LRSAM1: variants seen among roughly 807,000 people sequenced by gnomAD.
The protein encoded by LRSAM1 is leucine rich repeat and sterile alpha motif containing 1, also known as E3 ubiquitin-protein ligase LRSAM1.
LRSAM1 carries 96 observed loss-of-function variants against 118.1 expected under a neutral mutation model. The ratio of observed to expected loss-of-function variants is 0.81; its 90% CI spans 0.69 to 0.96. The LOEUF is 0.96. Ranked by LOEUF, LRSAM1 falls within the 40% of genes least tolerant of loss-of-function variation. The pLI, the probability that LRSAM1 is intolerant of heterozygous loss-of-function variation, is 0.00. For missense variants in LRSAM1, 804 were observed against 915.5 expected, an observed-to-expected ratio of 0.88 and a Z score of 1.57; for synonymous variants, 322 against 364.2, an observed-to-expected ratio of 0.88 and a Z score of 1.32.
At chr9:127,462,154 G>C in intron 8 of LRSAM1, 98 bp from the exon 9 acceptor site, 1 of 1,550,908 alleles carries the variant, frequency 6.4e-7, no homozygotes, top group Non-Finnish European at 8.8e-7. Flanking sequence ...AGGATCTGTT[G>C]TGTGCCCTAG....
At chr9:127,487,185 A>C (rs1162652099) in intron 17 of LRSAM1, among the ~76,000 whole-genome samples, 1 of 50,708 alleles carries the variant, frequency 2.0e-5, no homozygotes, top group Non-Finnish European at 5.8e-5. Flanking sequence ...CTCTGTCTCA[A>C]AAAAAAAAAA....
intron 15 of LRSAM1, among the ~76,000 whole-genome samples, chr9:127,481,781 C>T (rs1034827870): frequency 3.9e-5 from 6 of 151,924 alleles, no homozygotes; most frequent in African/African-American, 9.7e-5. Context: ...TCAGGCCAGG[C>T]GCAGTGGCTC....
chr9:127,482,462 A>G (rs988243680), intron 15 of LRSAM1, among the ~76,000 whole-genome samples: 1 of 152,108 alleles, frequency 6.6e-6, no homozygotes, highest in African/African-American at 2.4e-5. Context: ...TTTGTGAAGG[A>G]AATATTTAAA....
chr9:127,483,367 A>G (rs1264826269), intron 16 of LRSAM1, among the ~76,000 whole-genome samples: 1 of 152,042 alleles, frequency 6.6e-6, no homozygotes, highest in Non-Finnish European at 1.5e-5. Context: ...GGATCACATG[A>G]GCCCAGGAGT....
intron 6 of LRSAM1, among the ~76,000 whole-genome samples, chr9:127,457,965 TTTC>T (rs1311435783): frequency 8.5e-6 from 1 of 117,668 alleles, no homozygotes; most frequent in African/African-American, 3.3e-5. Flanking sequence ...AGATGCTTTC[TTTC>T]TTTTTTTTTT....
intron 13 of LRSAM1, 124 bp from the exon 14 acceptor site, chr9:127,479,715 C>A: frequency 7.1e-7 from 1 of 1,403,624 alleles, no homozygotes; most frequent in South Asian, 1.3e-5. Flanking sequence ...GAGGAGCTGG[C>A]CGGAGGTCAC....
At chr9:127,500,883 C>G in intron 24 of LRSAM1, 127 bp from the exon 25 acceptor site, 1 of 1,313,566 alleles carries the variant, frequency 7.6e-7, no homozygotes. Context: ...TCCCTCAGAT[C>G]TGAGAGCAGA....
chr9:127,479,438 G>T lies in LRSAM1; in HGVS notation c.836G>T (p.Arg279Leu). Residue 279 changes from arginine to leucine, a missense_variant, in exon 13 of 26, where the codon CGG becomes CTG. Physicochemically the swap from Arg to Leu is moderately radical, Grantham distance 102 (BLOSUM62 -2). Coordinates refer to ENST00000300417, the MANE Select transcript of LRSAM1 (RefSeq NM_001005373.4). ...EFERRLELGQ[R>L]EHTQLLQQSS... ...GAACGGCGCCTGGAACTGGGGCAGC[G>T]GGAGCACACCCAGCTCCTTCAGCAG... The T allele has an allele frequency of 6.2e-7, 1 of 1,614,144 alleles. No individual in the cohort carries two copies. The highest frequency in any genetic ancestry group is 8.5e-7 in the Non-Finnish European group (1 of 1,180,024).
Position 127,454,477 on chromosome 9 carries a change from C to T in LRSAM1, c.-32-19C>T. 6.2e-7 allele frequency: 1 copy of T among 1,602,950 alleles called. No individual in the cohort carries two copies. The highest frequency in any genetic ancestry group is 1.1e-5 in the South Asian group (1 of 90,432). Reference sequence around the variant, plus strand: ...CTGTGACAAATTCCCCAGTCCCTAACTTCTCTCCTGTGCCCCAGGGTCCTA... The same window carrying T: ...CTGTGACAAATTCCCCAGTCCCTAATTTCTCTCCTGTGCCCCAGGGTCCTA... On this transcript the variant is annotated intron_variant, in intron 2 of 25. Coordinates refer to ENST00000300417, the MANE Select transcript of LRSAM1 (RefSeq NM_001005373.4).
intron 21 of LRSAM1, among the ~76,000 whole-genome samples, chr9:127,493,113 G>A (rs1193323113): frequency 6.6e-6 from 1 of 152,212 alleles, no homozygotes; most frequent in African/African-American, 2.4e-5. Context: ...CCAGGCTGGA[G>A]TGCAGTGGCG....
chr9:127,502,975 T>C lies in LRSAM1; in HGVS notation c.*76T>C, dbSNP rs1836456641. The C allele has an allele frequency of 1.3e-6, 2 of 1,540,936 alleles. No individual in the cohort carries two copies. The highest frequency in any genetic ancestry group is 3.9e-5 in the Admixed American group (2 of 51,098). The stretch of plus-strand genomic sequence containing the variant: ...AGCCCCGGGCTCCTGCTCAGCCTTG[T>C]GCCAGCCAGACTCGTATGAGGCTCC... On this transcript the variant is annotated 3_prime_UTR_variant, in exon 26 of 26. Coordinates refer to ENST00000300417, the MANE Select transcript of LRSAM1 (RefSeq NM_001005373.4).
At chr9:127,478,822 G>A (rs1289962693) in intron 11 of LRSAM1, 112 bp from the exon 12 acceptor site, 2 of 1,003,752 alleles carry the variant, frequency 2.0e-6, no homozygotes, top group Non-Finnish European at 3.2e-6. Flanking sequence ...GCAGTGGTCT[G>A]GGGTGGGCCA....
Position 127,481,232 on chromosome 9 carries a change from G to C in LRSAM1, c.1088+5G>C, listed in dbSNP as rs1835525496. 1.2e-6 allele frequency: 2 copies of C among 1,612,340 alleles called. No individual in the cohort carries two copies. Among genetic ancestry groups the C allele is most frequent in the Admixed American group, 1.7e-5 (1 of 59,924 alleles). ...GAAATCGCTGGAAAATGAAAGGTAA[G>C]TGTTCTTCCAGGGGAGGGCAGCATT... is the stretch of plus-strand genomic sequence containing the variant. On this transcript the variant is annotated splice_donor_5th_base_variant and intron_variant, in intron 15 of 25. Coordinates refer to ENST00000300417, the MANE Select transcript of LRSAM1 (RefSeq NM_001005373.4).
chr9:127,485,971 T>C, intron 17 of LRSAM1, 136 bp downstream of exon 17: 1 of 753,946 alleles, frequency 1.3e-6, no homozygotes, highest in Non-Finnish European at 2.3e-6. Flanking sequence ...TAGGGGCAAG[T>C]GATGGCTGCT....
chr9:127,472,930 TGA>T (rs915890035), intron 10 of LRSAM1, among the ~76,000 whole-genome samples: 1 of 152,234 alleles, frequency 6.6e-6, no homozygotes, highest in Non-Finnish European at 1.5e-5. Flanking sequence ...CTAGGGTGTG[TGA>T]GAGGGCACGA....
At chr9:127,482,796 A>G (rs914104208) in intron 15 of LRSAM1, among the ~76,000 whole-genome samples, 154 bp from the exon 16 acceptor site, 1 of 152,232 alleles carries the variant, frequency 6.6e-6, no homozygotes, top group Non-Finnish European at 1.5e-5. Flanking sequence ...GAGGGCCCCA[A>G]GGGTTGCTTG....
At chr9:127,499,079 A>AAAC (rs1443960277) in intron 24 of LRSAM1, among the ~76,000 whole-genome samples, 1 of 151,240 alleles carries the variant, frequency 6.6e-6, no homozygotes, top group Admixed American at 6.6e-5. Context: ...AAAAAGAAAA[A>AAAC]AACAAATATA....
chr9:127,459,217 G>T (rs982982246), intron 7 of LRSAM1, 146 bp downstream of exon 7: 266 of 579,744 alleles, frequency 4.6e-4, no homozygotes, highest in African/African-American at 2.4e-3. Flanking sequence ...GCCCTTTGGG[G>T]TTTTTTTTTT....
At chr9:127,481,764 A>T (rs1835547556) in intron 15 of LRSAM1, among the ~76,000 whole-genome samples, 1 of 152,130 alleles carries the variant, frequency 6.6e-6, no homozygotes, top group African/African-American at 2.4e-5. Flanking sequence ...TTCCTAGTAT[A>T]AAAAGTTCAG....
Sources: allele counts gnomAD v4.1 joint callset (sites outside exome capture counted in the v4.1 genomes callset), GRCh38; gene constraint gnomAD v4.1.1; transcripts MANE v1.5; gene names NCBI Gene and HGNC (gene_info 2026-07-23, HGNC 2026-07-21).